The following RBFOX1 variants were observed in gnomAD, a reference collection of about 807,000 sequenced individuals.
The protein encoded by RBFOX1 is RNA binding protein fox-1 homolog 1.
A neutral mutation model predicts 57.7 loss-of-function variants in RBFOX1; 8 were observed. That is an observed-to-expected ratio of 0.14 (90% CI 0.08 to 0.25). The LOEUF (loss-of-function observed/expected upper bound fraction) is 0.25, where lower values mean the gene tolerates loss of function less well. Among genes scored for constraint, RBFOX1 ranks in the 10% least tolerant of loss-of-function variants. The pLI is 1.00. For synonymous variants in RBFOX1, 326 were observed against 222.4 expected, an observed-to-expected ratio of 1.47 and a Z score of -4.15; for missense variants, 611 against 548.5, an observed-to-expected ratio of 1.11 and a Z score of -1.14.
intron 4 of RBFOX1, among the ~76,000 whole-genome samples, chr16:7,482,912 A>G (rs1402365308): frequency 1.3e-5 from 2 of 152,094 alleles, no homozygotes. Flanking sequence ...TTTGGCTGCA[A>G]TTAACTCCCT....
intron 4 of RBFOX1, among the ~76,000 whole-genome samples, chr16:5,942,011 A>C (rs1319243755): frequency 6.6e-6 from 1 of 151,926 alleles, no homozygotes; most frequent in Non-Finnish European, 1.5e-5. Context: ...GAGGAATAAC[A>C]GAAATCAGTC....
At chr16:5,882,304 G>C (rs913643811) in intron 4 of RBFOX1, among the ~76,000 whole-genome samples, 9 of 152,122 alleles carry the variant, frequency 5.9e-5, no homozygotes, top group Non-Finnish European at 1.3e-4. Context: ...TAAGAAACTT[G>C]TCTTAGAGTT....
At chr16:6,535,181 C>T (rs1599130334) in intron 2 of RBFOX1, among the ~76,000 whole-genome samples, 3 of 152,264 alleles carry the variant, frequency 2.0e-5, no homozygotes, top group Admixed American at 2.0e-4. Context: ...TGTGTGAGCA[C>T]TCAAAGTCTC....
At chr16:6,001,101 A>G (rs76469962) in intron 4 of RBFOX1, among the ~76,000 whole-genome samples, 160 of 152,266 alleles carry the variant, frequency 1.1e-3, no homozygotes, top group African/African-American at 3.7e-3. Flanking sequence ...ATTAATTAAA[A>G]TATCTTAGCC....
intron 3 of RBFOX1, among the ~76,000 whole-genome samples, chr16:6,792,180 G>C (rs936874726): frequency 6.6e-6 from 1 of 152,046 alleles, no homozygotes; most frequent in East Asian, 1.9e-4. Flanking sequence ...TTTCTTAGCA[G>C]GTAGTTAAGG....
chr16:6,191,225 A>T (rs999672246), intron 1 of RBFOX1, among the ~76,000 whole-genome samples: 1 of 151,380 alleles, frequency 6.6e-6, no homozygotes, highest in Non-Finnish European at 1.5e-5. Context: ...CAGTATTTTC[A>T]AGCGGTGTTT....
chr16:5,421,457 T>A (rs1010970399), intron 1 of RBFOX1, among the ~76,000 whole-genome samples: 1 of 152,178 alleles, frequency 6.6e-6, no homozygotes, highest in African/African-American at 2.4e-5. Context: ...CGTGCAAGTG[T>A]GGCTTTGACT....
At chr16:6,356,573 C>T (rs1298265922) in intron 2 of RBFOX1, among the ~76,000 whole-genome samples, 2 of 152,090 alleles carry the variant, frequency 1.3e-5, no homozygotes, top group African/African-American at 2.4e-5. Flanking sequence ...CTGTAAAGTA[C>T]CTGAGCAGTA....
intron 3 of RBFOX1, among the ~76,000 whole-genome samples, chr16:7,029,733 T>A (rs115984306): frequency 6.6e-6 from 1 of 152,200 alleles, no homozygotes; most frequent in African/African-American, 2.4e-5. Context: ...TCTCATGGTG[T>A]AACCACTATT....
At chr16:7,192,235 G>A (rs528175217) in intron 4 of RBFOX1, among the ~76,000 whole-genome samples, 167 of 152,294 alleles carry the variant, frequency 1.1e-3, no homozygotes, top group African/African-American at 4.0e-3. Flanking sequence ...TATTGTTTTA[G>A]CCTCTTGGTA....
At chr16:7,165,418 TC>T (rs2079253822) in intron 4 of RBFOX1, among the ~76,000 whole-genome samples, 1 of 148,306 alleles carries the variant, frequency 6.7e-6, no homozygotes, top group Non-Finnish European at 1.5e-5. Context: ...ATGATAATAA[TC>T]ATTATTATTA....
intron 3 of RBFOX1, among the ~76,000 whole-genome samples, chr16:5,735,479 C>T (rs1252958926): frequency 6.6e-6 from 1 of 152,212 alleles, no homozygotes; most frequent in Non-Finnish European, 1.5e-5. Flanking sequence ...ATCTGTTTTG[C>T]CATGCCCCAC....
rs547182092 is a variant in RBFOX1 at position 7,100,589 on chromosome 16, A to T, written c.27+48491A>T. ...TGTTTTTTTTTTTTTTTTTTTTAGC[A>T]TATGGCTATACTGTAGCTTATTTAC... On this transcript the variant is annotated intron_variant, in intron 4 of 15. Transcript: ENST00000550418. Among the ~76,000 whole-genome samples, 434 of 142,172 alleles carry T rather than the reference A, an allele frequency of 3.1e-3. 1 individual carries two copies. Among genetic ancestry groups the T allele is most frequent in the African/African-American group, 0.011 (406 of 37,764 alleles). 93.3% of individuals were successfully genotyped at this position (142,172 alleles called of 152,430 possible).
chr16:6,687,581 C>A (rs2059618061), intron 3 of RBFOX1, among the ~76,000 whole-genome samples: 1 of 152,098 alleles, frequency 6.6e-6, no homozygotes, highest in African/African-American at 2.4e-5. Flanking sequence ...TATTTCTTGC[C>A]ACATAAAATT....
chr16:5,640,540 G>A (rs969969932), intron 3 of RBFOX1, among the ~76,000 whole-genome samples: 7 of 150,348 alleles, frequency 4.7e-5, no homozygotes, highest in Non-Finnish European at 7.4e-5. Flanking sequence ...ATACACACAT[G>A]CACATACATG....
rs1025149369 is a variant in RBFOX1 at position 6,000,521 on chromosome 16, G to A, written c.351+133186G>A. 5.9e-5 allele frequency among the ~76,000 whole-genome samples: 9 copies of A among 152,132 alleles called. No individual in the cohort carries two copies. The South Asian group carries it at 6.2e-4, about 10-fold the overall frequency. On this transcript the variant is annotated intron_variant, in intron 4 of 19. Transcript: ENST00000641259. ...TCTTGTGTCTGCCACTCTCTTGTACGCAAAATAAGGGCGAAAACTCTATGT... is the reference window on the plus strand; with the variant it reads ...TCTTGTGTCTGCCACTCTCTTGTACACAAAATAAGGGCGAAAACTCTATGT...
intron 4 of RBFOX1, among the ~76,000 whole-genome samples, chr16:7,263,560 A>G (rs540265966): frequency 6.6e-6 from 1 of 152,206 alleles, no homozygotes; most frequent in South Asian, 2.1e-4. Context: ...GCTGAGGACC[A>G]CAGCTCCATA....
chr16:7,361,918 A>C (rs969240996), intron 4 of RBFOX1, among the ~76,000 whole-genome samples: 1 of 146,288 alleles, frequency 6.8e-6, no homozygotes, highest in Non-Finnish European at 1.5e-5. Context: ...GTTAGTTTGC[A>C]TATGTGTGTT....
In RBFOX1 at chr16:7,204,290, C is replaced by G. The variant is rs541558942; in HGVS notation, c.27+152192C>G. ...ATCACTCAAGGCCATTGTGTGTATC[C>G]CATTTTAATCTGAGGGAGGACAGGA... is the stretch of plus-strand genomic sequence containing the variant. On this transcript the variant is annotated intron_variant, in intron 4 of 15. Transcript: ENST00000550418. 9.8e-5 allele frequency among the ~76,000 whole-genome samples: 15 copies of G among 152,306 alleles called. No individual in the cohort carries two copies. In the East Asian group the frequency reaches 2.5e-3, roughly 25 times the overall value.
Sources: allele counts gnomAD v4.1 joint callset (sites outside exome capture counted in the v4.1 genomes callset), GRCh38; gene constraint gnomAD v4.1.1; transcripts MANE v1.5; gene names NCBI Gene and HGNC (gene_info 2026-07-23, HGNC 2026-07-21).